IQGAP2: variants seen among roughly 807,000 people sequenced by gnomAD.
IQGAP2 encodes the protein IQ motif containing GTPase activating protein 2.
In IQGAP2, 173 loss-of-function variants were observed where a neutral mutation model predicts 201.3. The observed-to-expected ratio is 0.86, with a 90% CI of 0.76 to 0.98. The LOEUF is 0.98. Among genes scored for constraint, IQGAP2 ranks in the 50% least tolerant of loss-of-function variants. The pLI is 0.00. For missense variants in IQGAP2, 1,687 were observed against 1,864.8 expected, an observed-to-expected ratio of 0.90 and a Z score of 1.76; for synonymous variants, 675 against 673.9, an observed-to-expected ratio of 1.00 and a Z score of -0.03.
chr5:76,678,392 G>A (rs1745011692), intron 28 of IQGAP2, among the ~76,000 whole-genome samples: 1 of 151,750 alleles, frequency 6.6e-6, no homozygotes, highest in South Asian at 2.1e-4. Flanking sequence ...GAAGGAATTG[G>A]GAGGCTTTAG....
intron 2 of IQGAP2, among the ~76,000 whole-genome samples, chr5:76,462,218 G>T (rs892323572): frequency 2.6e-5 from 4 of 152,096 alleles, no homozygotes; most frequent in Admixed American, 6.5e-5. Context: ...TCCTTTTTCC[G>T]CAGAGCTTCC....
chr5:76,405,677 G>A (rs1343758371), intron 1 of IQGAP2, among the ~76,000 whole-genome samples: 1 of 152,126 alleles, frequency 6.6e-6, no homozygotes, highest in Non-Finnish European at 1.5e-5. Context: ...ATGCAGAAGA[G>A]GGCTATTTGG....
intron 2 of IQGAP2, among the ~76,000 whole-genome samples, chr5:76,540,058 G>A (rs936809149): frequency 6.6e-6 from 1 of 152,094 alleles, no homozygotes; most frequent in Admixed American, 6.5e-5. Flanking sequence ...ATTAGCTGCA[G>A]GAATTGGAGG....
intron 35 of IQGAP2, among the ~76,000 whole-genome samples, chr5:76,706,032 A>C (rs1747861320): frequency 6.6e-6 from 1 of 152,244 alleles, no homozygotes. Context: ...GCTTGTTCTC[A>C]GTACAGAAAC....
chr5:76,584,205 A>C (rs1189024378), intron 5 of IQGAP2, among the ~76,000 whole-genome samples: 2 of 152,142 alleles, frequency 1.3e-5, no homozygotes, highest in African/African-American at 4.8e-5. Context: ...GCTGTTCCAT[A>C]AATAGTAATT....
intron 2 of IQGAP2, among the ~76,000 whole-genome samples, chr5:76,532,658 C>T (rs1414368141): frequency 6.6e-6 from 1 of 152,194 alleles, no homozygotes; most frequent in Non-Finnish European, 1.5e-5. Context: ...GGGTCCACCA[C>T]CAGTCCTGCC....
intron 13 of IQGAP2, among the ~76,000 whole-genome samples, chr5:76,625,738 G>T (rs752204324): frequency 1.3e-5 from 2 of 152,210 alleles, no homozygotes; most frequent in Non-Finnish European, 2.9e-5. Flanking sequence ...AGAGGAACCA[G>T]TGACTATTTC....
intron 2 of IQGAP2, among the ~76,000 whole-genome samples, chr5:76,498,756 G>A (rs1259537552): frequency 6.6e-6 from 1 of 152,190 alleles, no homozygotes; most frequent in Non-Finnish European, 1.5e-5. Flanking sequence ...GAGCTTACCT[G>A]GTGTATCTCC....
chr5:76,579,193 T>C (rs777628313), intron 5 of IQGAP2, among the ~76,000 whole-genome samples: 1 of 152,176 alleles, frequency 6.6e-6, no homozygotes, highest in Non-Finnish European at 1.5e-5. Flanking sequence ...CAAGTTTCAC[T>C]CATTTTGTTT....
At position 76,531,534 on chromosome 5, in the gene IQGAP2, G is replaced by A. The variant is rs114330813; in HGVS notation, c.147-30862G>A. Among the ~76,000 whole-genome samples the A allele has an allele frequency of 5.0e-3, 763 of 152,278 alleles. 7 individuals carry two copies. Among genetic ancestry groups the A allele is most frequent in the African/African-American group, 0.017 (718 of 41,542 alleles). On this transcript the variant is annotated intron_variant, in intron 2 of 35. Transcript: ENST00000274364. Reference sequence around the variant, plus strand: ...CTACTCATGAGGGTTGTACCGTTATGACGTCAATACCTCCCATTAGGCTGC... The same window carrying A: ...CTACTCATGAGGGTTGTACCGTTATAACGTCAATACCTCCCATTAGGCTGC...
intron 13 of IQGAP2, chr5:76,616,693 T>TA (rs977626684): frequency 2.6e-5 from 4 of 151,626 alleles, no homozygotes; most frequent in Non-Finnish European, 5.9e-5. Context: ...CTGCAAAAAA[T>TA]AAAAAATAAA....
At chr5:76,643,949 A>T (rs1285148459) in intron 17 of IQGAP2, among the ~76,000 whole-genome samples, 1 of 151,630 alleles carries the variant, frequency 6.6e-6, no homozygotes, top group Non-Finnish European at 1.5e-5. Context: ...GGAGAGGGAG[A>T]AGAGGTAAAT....
intron 2 of IQGAP2, among the ~76,000 whole-genome samples, chr5:76,483,612 A>G (rs1207944353): frequency 6.6e-6 from 1 of 152,244 alleles, no homozygotes; most frequent in African/African-American, 2.4e-5. Flanking sequence ...AGTCAAGCAC[A>G]TAAAAGGCTG....
intron 13 of IQGAP2, chr5:76,616,925 A>G (rs1364445093): frequency 1.3e-5 from 2 of 152,254 alleles, no homozygotes; most frequent in African/African-American, 4.8e-5. Flanking sequence ...CTACAAAGAT[A>G]GAATCAGTTG....
intron 35 of IQGAP2, among the ~76,000 whole-genome samples, chr5:76,702,901 C>A (rs1489615375): frequency 6.6e-6 from 1 of 151,476 alleles, no homozygotes; most frequent in Non-Finnish European, 1.5e-5. Flanking sequence ...TATAAATTTT[C>A]CTTTTATTGG....
In IQGAP2 at chr5:76,520,681, A is replaced by AACATCATAGGT. The variant is rs1306364550; in HGVS notation, c.147-41714_147-41704dup. Among the ~76,000 whole-genome samples, 19 of 150,656 alleles carry AACATCATAGGT rather than the reference A, an allele frequency of 1.3e-4. 1 individual carries two copies. The East Asian group carries it at 3.5e-3, about 28-fold the overall frequency. On this transcript the variant is annotated intron_variant, in intron 2 of 35. Coordinates refer to ENST00000274364, the MANE Select transcript of IQGAP2 (RefSeq NM_006633.5). ...ACTGTGTTAGATCTTCAAGTCCATGAACATCATAGGTCTCTCCTCTTTTTT... is the reference window on the plus strand; with the variant it reads ...ACTGTGTTAGATCTTCAAGTCCATGAACATCATAGGTACATCATAGGTCTCTCCTCTTTTTT...
At chr5:76,404,519 C>T in intron 1 of IQGAP2, 2 of 985,094 alleles carry the variant, frequency 2.0e-6, no homozygotes, top group African/African-American at 3.5e-5. Flanking sequence ...CCAGGCTGGC[C>T]TTGGTGGCAG....
At chr5:76,636,982 T>C (rs188539490) in intron 15 of IQGAP2, 52 bp from the exon 16 acceptor site, 1 of 1,400,304 alleles carries the variant, frequency 7.1e-7, no homozygotes, top group East Asian at 2.4e-5. Flanking sequence ...ACTACACTAA[T>C]GTTTAAGGGT....
rs1345694576 is a variant in IQGAP2, at chr5:76,588,930, A to G, written c.483A>G (p.Ile161Met). 7 of 1,608,566 alleles carry G rather than the reference A, an allele frequency of 4.4e-6. No individual in the cohort carries two copies. In the East Asian group the frequency reaches 1.6e-4, roughly 36 times the overall value. Residue 161 changes from isoleucine to methionine, a missense_variant, in exon 6 of 36, where the codon ATA becomes ATG. Ile to Met is a conservative substitution (Grantham distance 10). Transcript: ENST00000274364. ...GTTTGTATCTGTTCAAACTAGGAAT[A>G]GCACCCCAGATCCAGGATTTGTTGG... is the stretch of plus-strand genomic sequence containing the variant. Reference protein sequence around the residue: ...ALSLYLFKLGIAPQIQDLLGK... With the variant: ...ALSLYLFKLGMAPQIQDLLGK...
Sources: allele counts gnomAD v4.1 joint callset (sites outside exome capture counted in the v4.1 genomes callset), GRCh38; gene constraint gnomAD v4.1.1; transcripts MANE v1.5; gene names NCBI Gene and HGNC (gene_info 2026-07-23, HGNC 2026-07-21).